The following EIF2D variants were observed in gnomAD, a reference collection of about 807,000 sequenced individuals.
EIF2D encodes the protein hepatocellular carcinoma-associated antigen 56.
In EIF2D, 56 loss-of-function variants were observed where a neutral mutation model predicts 77.4. The ratio of observed to expected loss-of-function variants is 0.72; its 90% CI spans 0.58 to 0.90. EIF2D has a LOEUF of 0.90. Ranked by LOEUF, EIF2D falls within the 40% of genes least tolerant of loss-of-function variation. EIF2D has a pLI of 0.00. For synonymous variants in EIF2D, 230 were observed against 271.0 expected, an observed-to-expected ratio of 0.85 and a Z score of 1.49; for missense variants, 574 against 706.5, an observed-to-expected ratio of 0.81 and a Z score of 2.13.
In EIF2D at chr1:206,599,714, A is replaced by G. The variant is rs1366434905; in HGVS notation, c.1052+19T>C. The G allele has an allele frequency of 1.9e-6, 3 of 1,613,794 alleles. No homozygotes were observed. The African/African-American group carries it at 4.0e-5, about 22-fold the overall frequency. Reference sequence around the variant, plus strand: ...CCCTGGGGCCAGCTGGGCTACAGTGACAGGCCCCCTGCACTCACCTCGGGT... The same window carrying G: ...CCCTGGGGCCAGCTGGGCTACAGTGGCAGGCCCCCTGCACTCACCTCGGGT... On this transcript the variant is annotated intron_variant, in intron 9 of 14. Coordinates refer to ENST00000271764, the MANE Select transcript of EIF2D (RefSeq NM_006893.3). The surrounding 1 kb of genome is among the most constrained non-coding windows in gnomAD (Gnocchi z 4.1).
chr1:206,575,294 G>C (rs1668598215), intron 4 of EIF2D, among the ~76,000 whole-genome samples: 1 of 152,222 alleles, frequency 6.6e-6, no homozygotes, highest in South Asian at 2.1e-4. Context: ...CCTGACTTAA[G>C]CCTGGAGATG....
At position 206,608,246 on chromosome 1, in the gene EIF2D, C is replaced by A; in HGVS notation, c.412G>T (p.Val138Leu). 6.2e-7 allele frequency: 1 copy of A among 1,613,500 alleles called. No individual in the cohort carries two copies. The highest frequency in any genetic ancestry group is 1.1e-5 in the South Asian group (1 of 90,964). The change falls in exon 4 of 15, where the codon GTG becomes TTG. Residue 138 changes from valine to leucine, a missense_variant. By Grantham distance (32) the Val-to-Leu change is conservative. Coordinates refer to ENST00000271764, the MANE Select transcript of EIF2D (RefSeq NM_006893.3). ...TGCCTGGCACAGTACCTGTTCCCCA[C>A]CAAAGAAATGGCACAGAGGTCGCCC... is the stretch of plus-strand genomic sequence containing the variant. ...QKGDLCAISL[V>L]GNRAPVAIGV...
chr1:206,586,867 A>G (rs781868748), downstream of EIF2D: 2 of 1,614,174 alleles, frequency 1.2e-6, no homozygotes, highest in South Asian at 2.2e-5. Context: ...ACTTCCTAAC[A>G]ATCCTGGAAA....
chr1:206,611,364 G>A lies in EIF2D; in HGVS notation c.67C>T (p.Arg23Ter), dbSNP rs1296295234. The change falls in exon 2 of 15, where the codon CGA becomes TGA. Residue 23 changes from arginine to a stop codon, truncating the protein, a stop_gained. Transcript: ENST00000271764. LOFTEE classifies it high-confidence loss of function. ...AIKGSDRRKL[R>*]ADVTTAFPTL... ...GGGAAAGCAGTTGTCACATCAGCTC[G>A]AAGCTTTCTCCTGTGGAAAGCACAC... The A allele has an allele frequency of 7.4e-6, 12 of 1,613,378 alleles. No homozygotes were observed. The highest frequency in any genetic ancestry group is 9.3e-6 in the Non-Finnish European group (11 of 1,179,488).
At chr1:206,591,575 T>C, downstream of EIF2D, 1 of 606,866 alleles carries the variant, frequency 1.6e-6, no homozygotes, top group Non-Finnish European at 2.9e-6. Flanking sequence ...TCTGTCCATT[T>C]AGAATACTCC....
rs1669419811 is a variant in EIF2D at position 206,592,975 on chromosome 1, GC to G, written c.1684+643del. ...AAATTAGCTGGCCGTGGTGGCATGC[GC>G]CTATAATCCCAGCTACTCGGGAGGC... On this transcript the variant is annotated intron_variant, in intron 14 of 14. Coordinates refer to ENST00000271764, the MANE Select transcript of EIF2D (RefSeq NM_006893.3). This position sits in a 1 kb window ranked among gnomAD's most constrained non-coding sequence, Gnocchi z 4.7. Among the ~76,000 whole-genome samples the G allele has an allele frequency of 6.6e-6, 1 of 152,054 alleles. No individual in the cohort carries two copies. The highest frequency in any genetic ancestry group is 6.5e-5 in the Admixed American group (1 of 15,276).
At chr1:206,608,429 G>T (rs1200098572) in intron 3 of EIF2D, 103 bp from the exon 4 acceptor site, 1 of 852,550 alleles carries the variant, frequency 1.2e-6, no homozygotes, top group Non-Finnish European at 1.8e-6. Flanking sequence ...TAGTTACTAG[G>T]TATCAACTAT....
chr1:206,580,129 C>T (rs1208451400), intron 4 of EIF2D, among the ~76,000 whole-genome samples: 4 of 152,198 alleles, frequency 2.6e-5, no homozygotes, highest in African/African-American at 9.7e-5. Flanking sequence ...TGCGTCACTT[C>T]CCCGCGTTTG....
downstream of EIF2D, among the ~76,000 whole-genome samples, chr1:206,569,837 T>A (rs1332297510): frequency 1.3e-5 from 2 of 152,098 alleles, no homozygotes; most frequent in African/African-American, 4.8e-5. Context: ...ATTTTTTGTG[T>A]TCATTTTGCA....
At chr1:206,576,978 ATT>A (rs36057143) in intron 4 of EIF2D, among the ~76,000 whole-genome samples, 46 of 145,308 alleles carry the variant, frequency 3.2e-4, no homozygotes, top group African/African-American at 1.1e-3. Flanking sequence ...TAATTTTTGT[ATT>A]TTTTTTTTTT....
chr1:206,576,310 G>A (rs1361099111), intron 4 of EIF2D, among the ~76,000 whole-genome samples: 1 of 152,232 alleles, frequency 6.6e-6, no homozygotes, highest in Non-Finnish European at 1.5e-5. Context: ...GGGAATCTGA[G>A]GCTTTGAGGC....
At chr1:206,587,250 T>C, downstream of EIF2D, 1 of 412,314 alleles carries the variant, frequency 2.4e-6, no homozygotes, top group Non-Finnish European at 4.5e-6. Flanking sequence ...TCTGCAAGCC[T>C]TTCACCAACC....
intron 2 of EIF2D, chr1:206,586,174 C>T (rs1669103705): frequency 6.6e-6 from 1 of 152,484 alleles, no homozygotes; most frequent in Non-Finnish European, 1.5e-5. Context: ...ACCAGATAAA[C>T]CTTAGTACTC....
chr1:206,587,217 A>G (rs967957600), downstream of EIF2D: 2 of 489,464 alleles, frequency 4.1e-6, no homozygotes, highest in African/African-American at 1.9e-5. Context: ...CATGTGAAAC[A>G]AACAGCTGAC....
chr1:206,583,223 C>T, intron 2 of EIF2D: 1 of 1,301,162 alleles, frequency 7.7e-7, no homozygotes, highest in Non-Finnish European at 1.1e-6. Flanking sequence ...CCTTTCTCAC[C>T]CTGAGAACTA....
At chr1:206,609,266 A>T in intron 3 of EIF2D, 110 bp downstream of exon 3, 1 of 1,079,942 alleles carries the variant, frequency 9.3e-7, no homozygotes, top group Non-Finnish European at 1.4e-6. Context: ...AGGGGAAAAA[A>T]TTCCATTTTT....
intron 5 of EIF2D, chr1:206,572,506 C>G (rs1668484257): frequency 2.0e-5 from 3 of 152,188 alleles, no homozygotes; most frequent in African/African-American, 7.2e-5. Context: ...TGCACTGGTT[C>G]CCCCGGACTG....
Position 206,597,126 on chromosome 1 carries a change from C to T in EIF2D, c.1362G>A (p.Lys454=). ...TGGTCAGAAGACTGTCCCATGGAAGCTTCATGACTGTATGCTGTTCATTTT... is the reference window on the plus strand; with the variant it reads ...TGGTCAGAAGACTGTCCCATGGAAGTTTCATGACTGTATGCTGTTCATTTT... ...LEKNEQHTVM[K]LPWDSLLTRC... is the part of the protein sequence containing the mutation. Residue 454 remains lysine, a synonymous_variant, in exon 12 of 15, where the codon AAG becomes AAA. Coordinates refer to ENST00000271764, the MANE Select transcript of EIF2D (RefSeq NM_006893.3). 3.1e-6 allele frequency: 5 copies of T among 1,614,082 alleles called. No individual in the cohort carries two copies. The highest frequency in any genetic ancestry group is 3.4e-6 in the Non-Finnish European group (4 of 1,179,992).
chr1:206,582,356 A>G (rs1362280081), intron 2 of EIF2D, among the ~76,000 whole-genome samples: 1 of 152,232 alleles, frequency 6.6e-6, no homozygotes, highest in African/African-American at 2.4e-5. Context: ...ATGGTCTCAC[A>G]GGAGGAACAC....
Sources: allele counts gnomAD v4.1 joint callset (sites outside exome capture counted in the v4.1 genomes callset), GRCh38; gene constraint gnomAD v4.1.1; non-coding constraint Gnocchi (gnomAD v3.1); transcripts MANE v1.5; gene names NCBI Gene and HGNC (gene_info 2026-07-23, HGNC 2026-07-21).